The following GABRB2 variants were observed in gnomAD, a reference collection of about 807,000 sequenced individuals.
GABRB2 encodes gamma-aminobutyric acid type A receptor subunit beta2.
In GABRB2, 16 loss-of-function variants were observed where a neutral mutation model predicts 54.7. That is an observed-to-expected ratio of 0.29 (90% CI 0.20 to 0.44). The LOEUF is 0.44. Among genes scored for constraint, GABRB2 ranks in the 20% least tolerant of loss-of-function variants. The pLI is 1.00. For synonymous variants in GABRB2, 244 were observed against 233.8 expected (o/e 1.04, Z -0.40); for missense variants, 355 against 644.0 (o/e 0.55, Z 4.86).
chr5:161,487,457 T>C (rs907907961), intron 3 of GABRB2, among the ~76,000 whole-genome samples: 10 of 151,854 alleles, frequency 6.6e-5, no homozygotes, highest in African/African-American at 1.9e-4. Context: ...ATACTACTAT[T>C]TGGGTTGAAA....
intron 3 of GABRB2, among the ~76,000 whole-genome samples, chr5:161,492,382 T>C (rs1759110306): frequency 6.6e-6 from 1 of 151,762 alleles, no homozygotes; most frequent in Non-Finnish European, 1.5e-5. Context: ...CCCTACTTGA[T>C]AAGTGATCGT....
chr5:161,484,085 T>C (rs949239306), intron 3 of GABRB2, among the ~76,000 whole-genome samples: 2 of 151,936 alleles, frequency 1.3e-5, no homozygotes, highest in Admixed American at 6.6e-5. Context: ...AAAGCAGAGC[T>C]TTATTTTATC....
At chr5:161,393,609 T>C (rs1025619598) in intron 5 of GABRB2, among the ~76,000 whole-genome samples, 4 of 152,072 alleles carry the variant, frequency 2.6e-5, no homozygotes, top group African/African-American at 9.7e-5. Flanking sequence ...AGAAAGGTTA[T>C]TTTAATATCC....
In GABRB2 at chr5:161,314,563, T is replaced by C. The variant is rs147615630; in HGVS notation, c.1191+11805A>G. 1.7e-3 allele frequency among the ~76,000 whole-genome samples: 256 copies of C among 152,330 alleles called. 2 individuals carry two copies. The highest frequency in any genetic ancestry group is 5.3e-3 in the African/African-American group (222 of 41,576). On this transcript the variant is annotated intron_variant, in intron 9 of 9. Coordinates refer to ENST00000393959, the MANE Select transcript of GABRB2 (RefSeq NM_001371727.1). ...AGCACAAGACTTGCTGGAGGTATTG[T>C]ACTTGTTTTATTTTGACAAAATAAT...
chr5:161,511,585 A>G (rs994748738), intron 3 of GABRB2, among the ~76,000 whole-genome samples: 6 of 152,024 alleles, frequency 3.9e-5, no homozygotes, highest in Admixed American at 3.9e-4. Flanking sequence ...TTTGTTTGCT[A>G]CAGCTGACAC....
chr5:161,523,617 C>G (rs141207908), intron 3 of GABRB2, among the ~76,000 whole-genome samples: 2 of 151,626 alleles, frequency 1.3e-5, no homozygotes, highest in African/African-American at 4.8e-5. Context: ...CTGCTTGGCT[C>G]TGTTCTTTGG....
At chr5:161,544,389 G>A (rs1217014911) in intron 3 of GABRB2, among the ~76,000 whole-genome samples, 1 of 152,156 alleles carries the variant, frequency 6.6e-6, no homozygotes, top group African/African-American at 2.4e-5. Flanking sequence ...ATGCCCCCAA[G>A]TATGTGGGGG....
intron 5 of GABRB2, among the ~76,000 whole-genome samples, chr5:161,338,050 T>C (rs529615174): frequency 6.6e-6 from 1 of 152,194 alleles, no homozygotes; most frequent in Non-Finnish European, 1.5e-5. Context: ...CCCAGATGAT[T>C]TTCAACAAAC....
intron 5 of GABRB2, among the ~76,000 whole-genome samples, chr5:161,374,845 G>A (rs940710403): frequency 6.6e-6 from 1 of 151,978 alleles, no homozygotes; most frequent in African/African-American, 2.4e-5. Context: ...CTCTATTACA[G>A]TATTATCTCC....
chr5:161,528,158 C>T (rs1202022045), intron 3 of GABRB2, among the ~76,000 whole-genome samples: 1 of 151,642 alleles, frequency 6.6e-6, no homozygotes, highest in East Asian at 1.9e-4. Flanking sequence ...GAGATGTTCA[C>T]AAAACATTAA....
chr5:161,459,740 C>G lies in GABRB2; in HGVS notation c.342G>C (p.Gln114His). Reference sequence around the variant, plus strand: ...GGAAATAGGTATCAGGCACCCAGAGCTGGTCTGCCACTCTGTTGTCCAGAG... The same window carrying G: ...GGAAATAGGTATCAGGCACCCAGAGGTGGTCTGCCACTCTGTTGTCCAGAG... ...NLTLDNRVAD[Q>H]LWVPDTYFLN... The change falls in exon 4 of 10, where the codon CAG (glutamine) becomes CAC (histidine). Residue 114 changes from glutamine (Q) to histidine (H), a missense_variant. Physicochemically the swap from Gln to His is conservative, Grantham distance 24 (BLOSUM62 0). Coordinates refer to ENST00000393959, the MANE Select transcript of GABRB2 (RefSeq NM_001371727.1). The G allele has an allele frequency of 6.2e-7, 1 of 1,613,862 alleles. No individual in the cohort carries two copies. The highest frequency in any genetic ancestry group is 8.5e-7 in the Non-Finnish European group (1 of 1,179,850).
At chr5:161,478,751 G>A (rs1758668313) in intron 3 of GABRB2, among the ~76,000 whole-genome samples, 1 of 151,870 alleles carries the variant, frequency 6.6e-6, no homozygotes, top group Admixed American at 6.6e-5. Flanking sequence ...ATGCATACTT[G>A]TGATGAGCAG....
Position 161,293,488 on chromosome 5 carries a change from A to G in GABRB2, c.*593T>C, listed in dbSNP as rs987008904. On this transcript the variant is annotated 3_prime_UTR_variant, in exon 10 of 10. Coordinates refer to ENST00000393959, the MANE Select transcript of GABRB2 (RefSeq NM_001371727.1). ...CATAGTTGATTCTCCGTGCTCAAGCAAAGGGACTGGCCAAATCGGTTTCCT... is the reference window on the plus strand; with the variant it reads ...CATAGTTGATTCTCCGTGCTCAAGCGAAGGGACTGGCCAAATCGGTTTCCT... The G allele has an allele frequency of 5.3e-5, 8 of 152,360 alleles. No individual in the cohort carries two copies. Among genetic ancestry groups the G allele is most frequent in the Admixed American group, 1.3e-4 (2 of 15,300 alleles). 9.4% of individuals were successfully genotyped at this position (152,360 alleles called of 1,614,324 possible).
chr5:161,315,471 G>T (rs1758002030), intron 9 of GABRB2, among the ~76,000 whole-genome samples: 1 of 151,886 alleles, frequency 6.6e-6, no homozygotes, highest in South Asian at 2.1e-4. Context: ...CTATAAAATG[G>T]GGATTATATC....
intron 4 of GABRB2, among the ~76,000 whole-genome samples, chr5:161,446,274 G>T (rs978567425): frequency 6.6e-6 from 1 of 152,034 alleles, no homozygotes; most frequent in African/African-American, 2.4e-5. Flanking sequence ...TGACTGGATG[G>T]ATTGATGGAT....
chr5:161,368,002 A>G (rs773551794), intron 5 of GABRB2, among the ~76,000 whole-genome samples: 1 of 152,118 alleles, frequency 6.6e-6, no homozygotes, highest in Non-Finnish European at 1.5e-5. Flanking sequence ...TGATGTAGGT[A>G]GAAATCTTAA....
intron 9 of GABRB2, among the ~76,000 whole-genome samples, chr5:161,308,274 T>C (rs1368158671): frequency 6.6e-6 from 1 of 152,200 alleles, no homozygotes; most frequent in Non-Finnish European, 1.5e-5. Flanking sequence ...GTAGGCCTGA[T>C]TGTTTTAAGT....
intron 5 of GABRB2, among the ~76,000 whole-genome samples, chr5:161,360,276 A>G (rs1490501990): frequency 1.3e-5 from 2 of 152,210 alleles, no homozygotes; most frequent in African/African-American, 4.8e-5. Context: ...TAGGAAGAGT[A>G]CAGGATGAGC....
intron 3 of GABRB2, among the ~76,000 whole-genome samples, chr5:161,511,718 GA>G: frequency 2.0e-5 from 3 of 151,948 alleles, no homozygotes; most frequent in Non-Finnish European, 4.4e-5. Context: ...TGTGAGGGAA[GA>G]ATCTGTTCCA....
Sources: allele counts gnomAD v4.1 joint callset (sites outside exome capture counted in the v4.1 genomes callset), GRCh38; gene constraint gnomAD v4.1.1; transcripts MANE v1.5; gene names NCBI Gene and HGNC (gene_info 2026-07-23, HGNC 2026-07-21).